The following CDCA7 variants were observed in gnomAD, a reference collection of about 807,000 sequenced individuals.
The protein encoded by CDCA7 is cell division cycle-associated protein 7.
In CDCA7, 28 loss-of-function variants were observed where a neutral mutation model predicts 54.0. That is an observed-to-expected ratio of 0.52 (90% CI 0.38 to 0.71). The LOEUF is 0.71. CDCA7 is among the 30% of genes least tolerant of loss of function. The pLI, the probability that CDCA7 is intolerant of heterozygous loss-of-function variation, is 0.00. For synonymous variants in CDCA7, 180 were observed against 208.2 expected, an observed-to-expected ratio of 0.86 and a Z score of 1.16; for missense variants, 484 against 586.0, an observed-to-expected ratio of 0.83 and a Z score of 1.80.
In CDCA7 at chr2:173,367,143, C is replaced by T. The variant is rs1686739602; in HGVS notation, c.1186-7C>T. The T allele has an allele frequency of 1.9e-6, 3 of 1,574,620 alleles. No homozygotes were observed. Among genetic ancestry groups the T allele is most frequent in the South Asian group, 1.2e-5 (1 of 83,344 alleles). ...CTTAATTGTGCCGTTTGACAATCCTCCTTCAGAACTGGCATTGCCCGCCTT... is the reference window on the plus strand; with the variant it reads ...CTTAATTGTGCCGTTTGACAATCCTTCTTCAGAACTGGCATTGCCCGCCTT... On this transcript the variant is annotated splice_polypyrimidine_tract_variant and splice_region_variant and intron_variant, in intron 8 of 9. Coordinates refer to ENST00000306721, the MANE Select transcript of CDCA7 (RefSeq NM_031942.5).
intron 5 of CDCA7, chr2:173,364,541 T>A (rs1306587817): frequency 2.1e-5 from 7 of 339,230 alleles, no homozygotes; most frequent in African/African-American, 4.3e-5. Flanking sequence ...ATTTCTTACA[T>A]CTTCATTAAG....
intron 7 of CDCA7, among the ~76,000 whole-genome samples, chr2:173,365,978 C>T (rs1271604389): frequency 6.6e-6 from 1 of 152,230 alleles, no homozygotes; most frequent in African/African-American, 2.4e-5. Context: ...AGCGGTTTTA[C>T]CACACCAGGC....
At chr2:173,365,661 C>T (rs889566228) in intron 7 of CDCA7, 69 bp downstream of exon 7, 24 of 1,542,926 alleles carry the variant, frequency 1.6e-5, no homozygotes, top group East Asian at 2.3e-5. Context: ...TGTCCCTAAG[C>T]GTTGCCCAGG....
chr2:173,357,811 C>CTCATAAA (rs1489604775), intron 1 of CDCA7, among the ~76,000 whole-genome samples: 1 of 152,102 alleles, frequency 6.6e-6, no homozygotes, highest in Non-Finnish European at 1.5e-5. Context: ...AGATTAGGGG[C>CTCATAAA]TCATAAAGGT....
Position 173,367,138 on chromosome 2 carries a change from A to G in CDCA7, c.1186-12A>G. The G allele has an allele frequency of 5.1e-6, 8 of 1,569,668 alleles. No individual in the cohort carries two copies. Among genetic ancestry groups the G allele is most frequent in the Non-Finnish European group, 6.9e-6 (8 of 1,160,900 alleles). On this transcript the variant is annotated splice_polypyrimidine_tract_variant and intron_variant, in intron 8 of 9. Transcript: ENST00000306721. ...TTTAACTTAATTGTGCCGTTTGACA[A>G]TCCTCCTTCAGAACTGGCATTGCCC... is the stretch of plus-strand genomic sequence containing the variant.
chr2:173,367,122 AT>A, intron 8 of CDCA7, 27 bp from the exon 9 acceptor site: 2 of 1,555,044 alleles, frequency 1.3e-6, no homozygotes, highest in Non-Finnish European at 1.7e-6. Flanking sequence ...GTTTAACTTA[AT>A]TGTGCCGTTT....
In CDCA7 at chr2:173,358,807, C is replaced by T. The variant is rs1427767156; in HGVS notation, c.117C>T (p.Asp39=). ...ETSSSSDDSC[D]SFASDNFANT... The stretch of plus-strand genomic sequence containing the variant: ...CGTCATCCTCTGATGACAGTTGTGA[C>T]AGCTTTGCTTCTGATAATTTTGCAA... Residue 39 remains aspartate (D), a synonymous_variant, in exon 2 of 10, where the codon GAC becomes GAT. Transcript: ENST00000306721. The T allele has an allele frequency of 3.7e-6, 6 of 1,613,650 alleles. No individual in the cohort carries two copies. The highest frequency in any genetic ancestry group is 5.1e-6 in the Non-Finnish European group (6 of 1,179,854).
rs1351855953 is a variant in CDCA7, at chr2:173,355,704, C to T, written c.21+720C>T. Among the ~76,000 whole-genome samples, 3 of 139,302 alleles carry T rather than the reference C, an allele frequency of 2.2e-5. No homozygotes were observed. In the Admixed American group the frequency reaches 2.2e-4, roughly 10 times the overall value. The allele number at this position is 139,302 out of a possible 152,430, so 91.4% of individuals were successfully genotyped here. On this transcript the variant is annotated intron_variant, in intron 1 of 9. Transcript: ENST00000306721. ...CCCCACCCCCCAGCCTTACTCTTAG[C>T]TGCAGGACGTTGCTCTGAGTGGAAC...
rs758866134 is a variant in CDCA7 at position 173,358,836 on chromosome 2, C to G, written c.146C>G (p.Thr49Arg). The G allele has an allele frequency of 3.7e-6, 6 of 1,612,136 alleles. No homozygotes were observed. Among genetic ancestry groups the G allele is most frequent in the Non-Finnish European group, 5.1e-6 (6 of 1,178,844 alleles). The stretch of plus-strand genomic sequence containing the variant: ...TTTGCTTCTGATAATTTTGCAAACA[C>G]GGTAAGTGCTGCCTGAGAATAAACA... Reference protein sequence around the residue: ...DSFASDNFANTKPKFRSDISE... With the variant: ...DSFASDNFANRKPKFRSDISE... The change falls in exon 2 of 10, where the codon ACG becomes AGG. Residue 49 changes from threonine (T) to arginine (R), a missense_variant and splice_region_variant. This residue lies in a region of CDCA7 where 398 missense variants were observed against 447.4 expected (regional missense o/e 0.89). Transcript: ENST00000306721.
At chr2:173,367,463 G>C (rs1166187885) in intron 9 of CDCA7, among the ~76,000 whole-genome samples, 171 bp from the exon 10 acceptor site, 2 of 152,158 alleles carry the variant, frequency 1.3e-5, no homozygotes, top group African/African-American at 4.8e-5. Flanking sequence ...GTGGTAACCC[G>C]GGTGGGTGGG....
rs752597450 is a variant in CDCA7 at position 173,358,710 on chromosome 2, A to G, written c.22-2A>G. 6.2e-7 allele frequency: 1 copy of G among 1,611,934 alleles called. No individual in the cohort carries two copies. The highest frequency in any genetic ancestry group is 8.5e-7 in the Non-Finnish European group (1 of 1,179,252). ...TAATAGGATTGCTATTTCCATTTGC[A>G]GCAGAAAGATCTCAGAGTAAAGAAG... On this transcript the variant is annotated splice_acceptor_variant, in intron 1 of 9. Transcript: ENST00000306721. LOFTEE classifies it high-confidence loss of function.
chr2:173,356,728 C>T (rs1270354807), intron 1 of CDCA7, among the ~76,000 whole-genome samples: 1 of 152,184 alleles, frequency 6.6e-6, no homozygotes, highest in Non-Finnish European at 1.5e-5. Context: ...TGGTCTCGAA[C>T]TCGTGGGCTC....
chr2:173,356,834 A>G (rs894244056), intron 1 of CDCA7, among the ~76,000 whole-genome samples: 3 of 152,142 alleles, frequency 2.0e-5, no homozygotes, highest in Non-Finnish European at 4.4e-5. Context: ...TAGTAGCTCT[A>G]CCTTTTACAC....
intron 5 of CDCA7, 76 bp downstream of exon 5, chr2:173,363,971 C>A: frequency 1.5e-6 from 2 of 1,369,216 alleles, no homozygotes; most frequent in Non-Finnish European, 2.1e-6. Context: ...ATTTAAAAAT[C>A]TAATTTCTTT....
chr2:173,365,613 C>T (rs754324228), intron 7 of CDCA7, 21 bp downstream of exon 7: 4 of 1,611,392 alleles, frequency 2.5e-6, no homozygotes, highest in Admixed American at 1.7e-5. Context: ...CTAAATTACA[C>T]CTGAGAATGT....
chr2:173,367,755 T>G lies in CDCA7; in HGVS notation c.*91T>G. The G allele has an allele frequency of 7.7e-7, 1 of 1,306,856 alleles. No individual in the cohort carries two copies. Among genetic ancestry groups the G allele is most frequent in the South Asian group, 1.2e-5 (1 of 84,252 alleles). The allele number at this position is 1,306,856 out of a possible 1,614,324, so 81.0% of individuals were successfully genotyped here. On this transcript the variant is annotated 3_prime_UTR_variant, in exon 10 of 10. Coordinates refer to ENST00000306721, the MANE Select transcript of CDCA7 (RefSeq NM_031942.5). ...TCACTGAAACCTGAGTTAAAAATCT[T>G]GATGATCAGCCTGTTTCATAAGAAA...
intron 1 of CDCA7, 57 bp downstream of exon 1, chr2:173,355,041 G>T (rs1238733659): frequency 7.7e-6 from 10 of 1,297,022 alleles, no homozygotes; most frequent in Non-Finnish European, 8.8e-6. Context: ...GGACGCAGGC[G>T]GGCGCGGGCC....
Position 173,366,640 on chromosome 2 carries a change from G to A in CDCA7, c.1185+208G>A, listed in dbSNP as rs547977938. Among the ~76,000 whole-genome samples the A allele has an allele frequency of 6.6e-6, 1 of 152,256 alleles. No individual in the cohort carries two copies. Among genetic ancestry groups the A allele is most frequent in the Admixed American group, 6.5e-5 (1 of 15,300 alleles). On this transcript the variant is annotated intron_variant, in intron 8 of 9. Transcript: ENST00000306721. The surrounding 1 kb of genome is among the most constrained non-coding windows in gnomAD (Gnocchi z 4.5). Reference sequence around the variant, plus strand: ...TGCAACCTCCTCCTCCTGGGTTCAAGCGATTCTCCTGCCTCAGCCTCCCAA... The same window carrying A: ...TGCAACCTCCTCCTCCTGGGTTCAAACGATTCTCCTGCCTCAGCCTCCCAA...
At chr2:173,365,330 C>A in intron 6 of CDCA7, 122 bp from the exon 7 acceptor site, 1 of 1,119,962 alleles carries the variant, frequency 8.9e-7, no homozygotes, top group Non-Finnish European at 1.3e-6. Context: ...ATCTGAGATT[C>A]AAAGCTGGGG....
Sources: allele counts gnomAD v4.1 joint callset (sites outside exome capture counted in the v4.1 genomes callset), GRCh38; gene constraint gnomAD v4.1.1; regional missense constraint gnomAD v4.1.1; non-coding constraint Gnocchi (gnomAD v3.1); transcripts MANE v1.5; gene names NCBI Gene and HGNC (gene_info 2026-07-23, HGNC 2026-07-21).